INF2: variants seen among roughly 807,000 people sequenced by gnomAD.
INF2 encodes the protein inverted formin 2, also known as inverted formin-2.
A neutral mutation model predicts 123.5 loss-of-function variants in INF2; 43 were observed. The observed-to-expected ratio is 0.35, with a 90% CI of 0.27 to 0.45. The LOEUF (loss-of-function observed/expected upper bound fraction) is 0.45, where lower values mean the gene tolerates loss of function less well. Among genes scored for constraint, INF2 ranks in the 20% least tolerant of loss-of-function variants. The pLI, the probability that INF2 is intolerant of heterozygous loss-of-function variation, is 1.00. For missense variants in INF2, 1,453 were observed against 1,682.7 expected, an observed-to-expected ratio of 0.86 and a Z score of 2.39; for synonymous variants, 851 against 745.0, an observed-to-expected ratio of 1.14 and a Z score of -2.32.
upstream of INF2, chr14:104,684,824 C>A (rs1219858004): frequency 6.6e-6 from 1 of 152,282 alleles, no homozygotes; most frequent in Non-Finnish European, 1.5e-5. The surrounding 1 kb of genome is among the most constrained non-coding windows in gnomAD (Gnocchi z 5.0). Context: ...AATAGAGGGC[C>A]AGGTTCCTAC....
At position 104,703,860 on chromosome 14, in the gene INF2, A is replaced by G. The variant is rs1439880893; in HGVS notation, c.668-56A>G. ...AGGTGCTCTGGGTGGCAGAAGTGAAATGGGGAAGGCGGGGAGTGGCCTCCG... is the reference window on the plus strand; with the variant it reads ...AGGTGCTCTGGGTGGCAGAAGTGAAGTGGGGAAGGCGGGGAGTGGCCTCCG... On this transcript the variant is annotated intron_variant, in intron 4 of 22. Coordinates refer to ENST00000392634, the MANE Select transcript of INF2 (RefSeq NM_022489.4). The G allele has an allele frequency of 2.5e-6, 4 of 1,608,954 alleles. No homozygotes were observed. In the Admixed American group the frequency reaches 6.7e-5, roughly 27 times the overall value.
intron 10 of INF2, 70 bp from the exon 11 acceptor site, chr14:104,709,211 G>C: frequency 8.2e-7 from 1 of 1,212,894 alleles, no homozygotes; most frequent in Non-Finnish European, 1.2e-6. Flanking sequence ...TGCCAGGTGG[G>C]GTCCCAAAGA....
intron 15 of INF2, 125 bp downstream of exon 15, chr14:104,711,311 C>CCCT: frequency 1.2e-6 from 1 of 833,880 alleles, no homozygotes; most frequent in Non-Finnish European, 1.9e-6. Flanking sequence ...TCTCAGGGCT[C>CCCT]CGTCTAGAGC....
chr14:104,687,873 C>A (rs1175661574), upstream of INF2, among the ~76,000 whole-genome samples: 5 of 152,254 alleles, frequency 3.3e-5, no homozygotes, highest in Admixed American at 3.3e-4. This position sits in a 1 kb window ranked among gnomAD's most constrained non-coding sequence, Gnocchi z 5.6. Context: ...TCCTCACATT[C>A]CTCCATTCAC....
intron 1 of INF2, among the ~76,000 whole-genome samples, chr14:104,695,074 G>A (rs1889123452): frequency 6.6e-6 from 1 of 152,134 alleles, no homozygotes; most frequent in African/African-American, 2.4e-5. Context: ...AAACCCAGGT[G>A]GGAGGATTCT....
rs956685612 is a variant in INF2, at chr14:104,714,776, G to A, written c.3614G>A (p.Gly1205Asp). ...EDAVTDSSGS[G>D]TLPRARGRAS... is the part of the protein sequence containing the mutation. ...GCGGTGACCGACTCCTCGGGGTCGG[G>A]CACACTCCCCAGGGCCCGGGGCCGG... Residue 1205 changes from glycine to aspartate, a missense_variant, in exon 21 of 23, where the codon GGC becomes GAC. Physicochemically the swap from Gly to Asp is moderately conservative, Grantham distance 94. Around this residue, in one of 8 missense-constraint regions of INF2, gnomAD observed 344 missense variants for 333.1 expected, o/e 1.03. Transcript: ENST00000392634. 5.6e-6 allele frequency: 9 copies of A among 1,599,218 alleles called. No individual in the cohort carries two copies. The highest frequency in any genetic ancestry group is 1.7e-5 in the Admixed American group (1 of 57,256).
intron 6 of INF2, among the ~76,000 whole-genome samples, chr14:104,706,541 GC>G (rs1889789090): frequency 6.6e-6 from 1 of 152,202 alleles, no homozygotes; most frequent in African/African-American, 2.4e-5. Flanking sequence ...TTGGTGAGGG[GC>G]TAAGAGGCTG....
upstream of INF2, chr14:104,689,590 T>TACCCCCCC: frequency 3.1e-6 from 2 of 646,936 alleles, no homozygotes; most frequent in Non-Finnish European, 3.7e-6. Flanking sequence ...CTCCTCTTCC[T>TACCCCCCC]CCCGCCCGCC....
upstream of INF2, chr14:104,685,047 GT>G (rs1888623089): frequency 6.6e-6 from 1 of 152,206 alleles, no homozygotes; most frequent in Admixed American, 6.5e-5. Context: ...GATGCAGACT[GT>G]TCTTAAGCAA....
At chr14:104,707,216 T>A in intron 7 of INF2, 37 bp from the exon 8 acceptor site, 2 of 1,579,454 alleles carry the variant, frequency 1.3e-6, no homozygotes, top group Non-Finnish European at 1.7e-6. Context: ...CCTCTCCGGC[T>A]CCCTTCTCCC....
chr14:104,717,200 G>A (rs1459002866), intron 22 of INF2, among the ~76,000 whole-genome samples: 1 of 152,070 alleles, frequency 6.6e-6, no homozygotes, highest in Non-Finnish European at 1.5e-5. Flanking sequence ...AGACACCTGA[G>A]AGCACAGCCG....
chr14:104,702,977 C>T lies in INF2; in HGVS notation c.392-128C>T. The T allele has an allele frequency of 1.7e-5, 13 of 760,988 alleles. No individual in the cohort carries two copies. In the South Asian group the frequency reaches 1.9e-4, roughly 11 times the overall value. 47.1% of individuals were successfully genotyped at this position (760,988 alleles called of 1,614,324 possible). ...TGGGTCCCAGCCCACTGCTGTGGGC[C>T]ACAGACAAGTGCCCGGCACCCCCTG... On this transcript the variant is annotated intron_variant, in intron 2 of 22. Coordinates refer to ENST00000392634, the MANE Select transcript of INF2 (RefSeq NM_022489.4).
chr14:104,693,937 G>C (rs371014900), intron 1 of INF2, among the ~76,000 whole-genome samples: 114 of 152,362 alleles, frequency 7.5e-4, no homozygotes, highest in African/African-American at 2.6e-3. Context: ...CAGGGTGGGG[G>C]TGAGGGAGTA....
rs781188543 is a variant in INF2, at chr14:104,703,188, G to A, written c.475G>A (p.Val159Met). 8.1e-6 allele frequency: 13 copies of A among 1,613,472 alleles called. No homozygotes were observed. Among genetic ancestry groups the A allele is most frequent in the Middle Eastern group, 3.3e-4 (2 of 6,060 alleles). Residue 159 changes from valine to methionine, a missense_variant, in exon 3 of 23, where the codon GTG (valine) becomes ATG (methionine). Physicochemically the swap from Val to Met is conservative, Grantham distance 21. This residue lies in a region of INF2 where 251 missense variants were observed against 349.4 expected (regional missense o/e 0.72). Transcript: ENST00000392634. The stretch of plus-strand genomic sequence containing the variant: ...GTGCATCTACTCTCCCGAGGGCCAC[G>A]TGCTGACCCTGGACGCCCTGGACCA... ...ALCIYSPEGH[V>M]LTLDALDHYK...
chr14:104,713,291 G>A lies in INF2; in HGVS notation c.2860G>A (p.Gly954Arg). The A allele has an allele frequency of 6.4e-7, 1 of 1,550,406 alleles. No individual in the cohort carries two copies. The highest frequency in any genetic ancestry group is 2.0e-5 in the Admixed American group (1 of 51,062). Residue 954 changes from glycine (G) to arginine (R), a missense_variant, in exon 19 of 23, where the codon GGA (glycine) becomes AGA (arginine). This residue lies in a region of INF2 where 212 missense variants were observed against 266.2 expected (regional missense o/e 0.80). Coordinates refer to ENST00000392634, the MANE Select transcript of INF2 (RefSeq NM_022489.4). The stretch of plus-strand genomic sequence containing the variant: ...GGAGGAGGAGGCGCGGCGGCCTCGG[G>A]GAGAGGACGGGAAGCCTGGTGAGGC... ...LAEEEARRPR[G>R]EDGKPVRKGP...
At chr14:104,702,498 G>A (rs1889574055) in intron 2 of INF2, among the ~76,000 whole-genome samples, 1 of 152,244 alleles carries the variant, frequency 6.6e-6, no homozygotes, top group Non-Finnish European at 1.5e-5. Context: ...CTGCTGCCAG[G>A]TCCTACCGAT....
chr14:104,715,453 G>C, intron 22 of INF2, 113 bp downstream of exon 22: 1 of 1,015,654 alleles, frequency 9.8e-7, no homozygotes, highest in South Asian at 1.3e-5. Context: ...TCCAGCCCGC[G>C]TGGTGCGTCA....
chr14:104,703,457 A>G lies in INF2; in HGVS notation c.667+3A>G. 6.2e-7 allele frequency: 1 copy of G among 1,611,462 alleles called. No homozygotes were observed. Among genetic ancestry groups the G allele is most frequent in the South Asian group, 1.1e-5 (1 of 91,050 alleles). On this transcript the variant is annotated splice_donor_region_variant and intron_variant, in intron 4 of 22. Transcript: ENST00000392634. ...CCAGCTGCGGAACGAGTTTATCGGTAAGCACCTGCCCTGGGCCGCATGCCC... is the reference window on the plus strand; with the variant it reads ...CCAGCTGCGGAACGAGTTTATCGGTGAGCACCTGCCCTGGGCCGCATGCCC...
chr14:104,701,038 G>T (rs1413175908), intron 1 of INF2, among the ~76,000 whole-genome samples: 6 of 152,142 alleles, frequency 3.9e-5, no homozygotes, highest in African/African-American at 1.4e-4. Flanking sequence ...CCGTCACTCT[G>T]CAGGGGCCGT....
Sources: allele counts gnomAD v4.1 joint callset (sites outside exome capture counted in the v4.1 genomes callset), GRCh38; gene constraint gnomAD v4.1.1; regional missense constraint gnomAD v4.1.1; non-coding constraint Gnocchi (gnomAD v3.1); transcripts MANE v1.5; gene names NCBI Gene and HGNC (gene_info 2026-07-23, HGNC 2026-07-21).